SEMA3C: variants seen among roughly 807,000 people sequenced by gnomAD.
SEMA3C encodes semaphorin-3C.
A neutral mutation model predicts 89.4 loss-of-function variants in SEMA3C; 47 were observed. That is an observed-to-expected ratio of 0.53 (90% CI 0.42 to 0.67). The LOEUF is 0.67. SEMA3C is among the 30% of genes least tolerant of loss of function. The pLI is 0.00. For missense variants in SEMA3C, 839 were observed against 929.1 expected (o/e 0.90, Z 1.26); for synonymous variants, 310 against 320.2 (o/e 0.97, Z 0.34).
At chr7:80,874,842 A>T (rs1791162293) in intron 2 of SEMA3C, among the ~76,000 whole-genome samples, 1 of 152,076 alleles carries the variant, frequency 6.6e-6, no homozygotes, top group African/African-American at 2.4e-5. Flanking sequence ...AGCACTTTAG[A>T]GGCTGAGGCA....
chr7:80,859,610 A>T (rs1417002960), intron 2 of SEMA3C, among the ~76,000 whole-genome samples: 1 of 152,250 alleles, frequency 6.6e-6, no homozygotes, highest in African/African-American at 2.4e-5. Flanking sequence ...AGTCAAACGC[A>T]AAGTTTAGCT....
chr7:80,897,843 A>C (rs1791776859), intron 2 of SEMA3C, among the ~76,000 whole-genome samples: 2 of 152,212 alleles, frequency 1.3e-5, no homozygotes, highest in Non-Finnish European at 2.9e-5. Flanking sequence ...ACAGTCAGAC[A>C]ATATAGAAAA....
intron 2 of SEMA3C, among the ~76,000 whole-genome samples, chr7:80,877,167 A>T (rs115613729): frequency 0.01 from 1,593 of 152,346 alleles, 24 homozygotes; most frequent in African/African-American, 0.036. Flanking sequence ...TCTTGGGAAA[A>T]GATCATAGCA....
At chr7:80,835,062 A>G (rs1790094058) in intron 2 of SEMA3C, among the ~76,000 whole-genome samples, 1 of 152,162 alleles carries the variant, frequency 6.6e-6, no homozygotes, top group Non-Finnish European at 1.5e-5. Flanking sequence ...TCATTCATTC[A>G]GAATACTACA....
chr7:80,897,711 A>C (rs1791773633), intron 2 of SEMA3C, among the ~76,000 whole-genome samples: 1 of 152,232 alleles, frequency 6.6e-6, no homozygotes, highest in Non-Finnish European at 1.5e-5. Context: ...TGGCATAAGC[A>C]AACAAGTAAA....
At chr7:80,816,243 TATGAAC>T (rs1440388566) in intron 5 of SEMA3C, 2 of 152,160 alleles carry the variant, frequency 1.3e-5, no homozygotes, top group Non-Finnish European at 2.9e-5. Context: ...AATGAATATC[TATGAAC>T]ACAGACCAAT....
intron 12 of SEMA3C, 100 bp downstream of exon 12, chr7:80,789,206 G>C: frequency 2.2e-6 from 2 of 899,044 alleles, no homozygotes; most frequent in South Asian, 3.4e-5. Context: ...CGTAATTATT[G>C]GAGTTTTTCT....
chr7:80,775,507 A>C (rs184770459), intron 12 of SEMA3C, among the ~76,000 whole-genome samples: 1 of 152,296 alleles, frequency 6.6e-6, no homozygotes, highest in Admixed American at 6.5e-5. Flanking sequence ...CCCTGTATTA[A>C]GTAGGGAATT....
At chr7:80,894,475 G>A (rs929249399) in intron 2 of SEMA3C, among the ~76,000 whole-genome samples, 6 of 151,956 alleles carry the variant, frequency 3.9e-5, no homozygotes, top group Admixed American at 2.6e-4. Flanking sequence ...ATAGCCACAT[G>A]TTTCTACAAA....
chr7:80,865,435 T>C (rs752831465), intron 2 of SEMA3C, among the ~76,000 whole-genome samples: 5 of 152,178 alleles, frequency 3.3e-5, no homozygotes, highest in Non-Finnish European at 7.3e-5. Context: ...CTTATGTCTC[T>C]GTTTTTACTG....
intron 6 of SEMA3C, among the ~76,000 whole-genome samples, chr7:80,810,130 A>G (rs534544897): frequency 2.0e-5 from 3 of 152,176 alleles, no homozygotes. Flanking sequence ...GAGGTAATGG[A>G]TATGTCAATT....
chr7:80,912,401 C>T (rs1337919574), intron 2 of SEMA3C, among the ~76,000 whole-genome samples: 1 of 152,176 alleles, frequency 6.6e-6, no homozygotes, highest in Non-Finnish European at 1.5e-5. Flanking sequence ...CAATTCTTCT[C>T]ATCTTCCATT....
At chr7:80,895,544 C>CA (rs1333149413) in intron 2 of SEMA3C, among the ~76,000 whole-genome samples, 3 of 152,050 alleles carry the variant, frequency 2.0e-5, no homozygotes, top group African/African-American at 4.8e-5. Flanking sequence ...TAAAAATCTG[C>CA]AAAAAATTCG....
chr7:80,875,621 T>C (rs1207458041), intron 2 of SEMA3C, among the ~76,000 whole-genome samples: 1 of 152,020 alleles, frequency 6.6e-6, no homozygotes, highest in Non-Finnish European at 1.5e-5. Flanking sequence ...TCCATCCAAC[T>C]CCATCACACT....
chr7:80,888,685 T>G (rs889309594), intron 2 of SEMA3C, among the ~76,000 whole-genome samples: 8 of 152,112 alleles, frequency 5.3e-5, no homozygotes, highest in Admixed American at 3.9e-4. Context: ...GTGTCAAAAG[T>G]ATGAAGATTT....
At chr7:80,911,823 C>T (rs1240312098) in intron 2 of SEMA3C, among the ~76,000 whole-genome samples, 6 of 151,928 alleles carry the variant, frequency 3.9e-5, no homozygotes, top group African/African-American at 4.8e-5. Flanking sequence ...TTAGTAGAGA[C>T]GGGGTATCAC....
At position 80,822,904 on chromosome 7, in the gene SEMA3C, A is replaced by T. The variant is rs551353892; in HGVS notation, c.328-4486T>A. Among the ~76,000 whole-genome samples, 4 of 152,326 alleles carry T rather than the reference A, an allele frequency of 2.6e-5. No individual in the cohort carries two copies. The South Asian group carries it at 8.3e-4, about 32-fold the overall frequency. ...ATCTGTCCTGCATAGAGCTTAGTGC[A>T]GGTCCTGACCACAGTAAAAATCCAC... On this transcript the variant is annotated intron_variant, in intron 4 of 17. Transcript: ENST00000265361.
At chr7:80,813,082 C>T (rs1412919063) in intron 5 of SEMA3C, among the ~76,000 whole-genome samples, 1 of 150,300 alleles carries the variant, frequency 6.7e-6, no homozygotes, top group Non-Finnish European at 1.5e-5. Flanking sequence ...GCTGGGATTA[C>T]AGACATGAGC....
chr7:80,858,290 G>A (rs1327284254), intron 2 of SEMA3C, among the ~76,000 whole-genome samples: 1 of 152,102 alleles, frequency 6.6e-6, no homozygotes, highest in African/African-American at 2.4e-5. Flanking sequence ...GTATGATACT[G>A]AGGTTCAAGC....
Sources: allele counts gnomAD v4.1 joint callset (sites outside exome capture counted in the v4.1 genomes callset), GRCh38; gene constraint gnomAD v4.1.1; transcripts MANE v1.5; gene names NCBI Gene and HGNC (gene_info 2026-07-23, HGNC 2026-07-21).